The following UQCC6 variants were observed in gnomAD, a reference collection of about 807,000 sequenced individuals.
The protein encoded by UQCC6 is protein BRAWNIN.
chr12:103,960,018 G>C, the UQCC6 span, among the ~76,000 whole-genome samples: 1 of 151,622 alleles, frequency 6.6e-6, no homozygotes, highest in Non-Finnish European at 1.5e-5. Flanking sequence ...CAGGTGATCC[G>C]CCTGCCTCGG....
the UQCC6 span, among the ~76,000 whole-genome samples, chr12:103,963,906 T>C: frequency 6.6e-6 from 1 of 151,918 alleles, no homozygotes; most frequent in African/African-American, 2.4e-5. Flanking sequence ...TTTTTTTTTA[T>C]AGATGTCATT....
chr12:103,960,073 CTATT>C, the UQCC6 span, among the ~76,000 whole-genome samples: 86 of 152,032 alleles, frequency 5.7e-4, 1 homozygote, highest in African/African-American at 2.0e-3. Context: ...CCATGCCTGG[CTATT>C]TATTTATTTA....
the UQCC6 span, chr12:103,957,174 G>C: frequency 6.4e-6 from 1 of 155,356 alleles, no homozygotes; most frequent in Non-Finnish European, 1.4e-5. Context: ...ACAGGTCTAA[G>C]GGCGGACGGA....
At chr12:103,962,691 A>G in the UQCC6 span, among the ~76,000 whole-genome samples, 1 of 152,236 alleles carries the variant, frequency 6.6e-6, no homozygotes, top group East Asian at 1.9e-4. Flanking sequence ...CTGCACACTC[A>G]GCCCCTTGAT....
chr12:103,965,377 T>A, the UQCC6 span: 1 of 152,254 alleles, frequency 6.6e-6, no homozygotes, highest in Admixed American at 6.5e-5. Context: ...GAGAGTGGTT[T>A]ATGTAGAGCT....
the UQCC6 span, among the ~76,000 whole-genome samples, chr12:103,963,893 G>C: frequency 6.9e-6 from 1 of 144,620 alleles, no homozygotes; most frequent in Admixed American, 7.0e-5. Flanking sequence ...AAGACAAATT[G>C]TTTTTTTTTT....
the UQCC6 span, chr12:103,951,395 TA>T: frequency 1.9e-6 from 1 of 521,514 alleles, no homozygotes; most frequent in Non-Finnish European, 3.4e-6. Context: ...ACGTATCGGC[TA>T]AACATCCACT....
chr12:103,964,074 T>C, the UQCC6 span, among the ~76,000 whole-genome samples: 1 of 146,276 alleles, frequency 6.8e-6, no homozygotes, highest in African/African-American at 2.5e-5. Flanking sequence ...GCCAGTTTGC[T>C]GCAACTGCTT....
At chr12:103,956,590 T>C in the UQCC6 span, 6,134 of 1,308,686 alleles carry the variant, frequency 4.7e-3, 26 homozygotes, top group Non-Finnish European at 5.9e-3. Flanking sequence ...AAATGAGGTA[T>C]ATTTAGCTCA....
the UQCC6 span, among the ~76,000 whole-genome samples, chr12:103,958,215 CAAAA>C: frequency 9.2e-6 from 1 of 108,476 alleles, no homozygotes; most frequent in Non-Finnish European, 1.9e-5. Context: ...GACTCCGTCT[CAAAA>C]AAAAAAAAAA....
chr12:103,950,347 A>G, the UQCC6 span: 4 of 152,316 alleles, frequency 2.6e-5, no homozygotes, highest in Admixed American at 6.5e-5. Context: ...GAGCAGAGGT[A>G]TAAGTTGAGT....
At chr12:103,963,371 C>A in the UQCC6 span, among the ~76,000 whole-genome samples, 1 of 152,164 alleles carries the variant, frequency 6.6e-6, no homozygotes, top group Non-Finnish European at 1.5e-5. Flanking sequence ...CCACTGCGCC[C>A]GGCTAACACT....
the UQCC6 span, among the ~76,000 whole-genome samples, chr12:103,951,914 A>G: frequency 2.0e-5 from 3 of 151,364 alleles, no homozygotes; most frequent in Admixed American, 2.0e-4. Context: ...AGCTTTGAAT[A>G]AAACTTTCCA....
At chr12:103,956,888 C>A in the UQCC6 span, 1 of 599,538 alleles carries the variant, frequency 1.7e-6, no homozygotes, top group Non-Finnish European at 3.0e-6. Flanking sequence ...CTCGCCCAAC[C>A]CCACGCCTCG....
chr12:103,954,856 G>A, the UQCC6 span: 1 of 678,236 alleles, frequency 1.5e-6, no homozygotes, highest in Non-Finnish European at 2.7e-6. Flanking sequence ...TTATGAACAG[G>A]AGCAAAAAAG....
At chr12:103,955,795 G>C in the UQCC6 span, 1 of 455,946 alleles carries the variant, frequency 2.2e-6, no homozygotes, top group Non-Finnish European at 4.4e-6. Context: ...GCACATTCTT[G>C]TAATTATTTG....
At chr12:103,957,765 G>GT in the UQCC6 span, among the ~76,000 whole-genome samples, 1 of 151,658 alleles carries the variant, frequency 6.6e-6, no homozygotes, top group African/African-American at 2.4e-5. Context: ...AGGGCCGGGG[G>GT]CGGTGGCTTA....
the UQCC6 span, among the ~76,000 whole-genome samples, chr12:103,956,123 G>C: frequency 6.6e-6 from 1 of 150,978 alleles, no homozygotes; most frequent in African/African-American, 2.4e-5. Context: ...AATCGCAGAG[G>C]AGGAATTCTT....
At chr12:103,959,944 T>G in the UQCC6 span, among the ~76,000 whole-genome samples, 7 of 149,830 alleles carry the variant, frequency 4.7e-5, no homozygotes, top group African/African-American at 9.8e-5. Context: ...GCTAATTTTT[T>G]TTGTATTTTT....
Sources: allele counts gnomAD v4.1 joint callset (sites outside exome capture counted in the v4.1 genomes callset), GRCh38; gene constraint gnomAD v4.1.1; transcripts MANE v1.5; gene names NCBI Gene and HGNC (gene_info 2026-07-23, HGNC 2026-07-21).